The following CCDC141 variants were observed in gnomAD, a reference collection of about 807,000 sequenced individuals.
CCDC141 encodes coiled-coil domain-containing protein 141.
Under a neutral mutation model 181.0 loss-of-function variants are expected in CCDC141, and 168 were observed. The observed-to-expected ratio is 0.93, with a 90% CI of 0.82 to 1.05. The LOEUF (loss-of-function observed/expected upper bound fraction) is 1.05. Among genes scored for constraint, CCDC141 ranks in the 50% least tolerant of loss-of-function variants. CCDC141 has a pLI of 0.00. For synonymous variants in CCDC141, 666 were observed against 642.3 expected (o/e 1.04, Z -0.56); for missense variants, 1,902 against 1,788.5 (o/e 1.06, Z -1.14).
At chr2:178,960,349 G>A (rs922479569) in intron 5 of CCDC141, among the ~76,000 whole-genome samples, 6 of 152,038 alleles carry the variant, frequency 3.9e-5, no homozygotes, top group African/African-American at 1.2e-4. Flanking sequence ...ATAAGAACCA[G>A]TTTCTCTTGG....
At position 178,978,475 on chromosome 2, in the gene CCDC141, A is replaced by G; in HGVS notation, c.417+9T>C. ...TGTGGGGAAGGGAGAAGTTTTTTAA[A>G]GTACAAACCTCTAAGGCATTTTCAA... On this transcript the variant is annotated intron_variant, in intron 3 of 23. Coordinates refer to ENST00000443758, the MANE Select transcript of CCDC141 (RefSeq NM_173648.4). 3.5e-6 allele frequency: 5 copies of G among 1,423,140 alleles called. No homozygotes were observed. Among genetic ancestry groups the G allele is most frequent in the South Asian group, 1.5e-5 (1 of 65,646 alleles). The allele number at this position is 1,423,140 out of a possible 1,614,324, so 88.2% of individuals were successfully genotyped here.
At chr2:178,982,780 C>G (rs980185421) in intron 2 of CCDC141, among the ~76,000 whole-genome samples, 2 of 152,190 alleles carry the variant, frequency 1.3e-5, no homozygotes, top group Admixed American at 6.5e-5. Flanking sequence ...AGGCGCACCA[C>G]GAGATTATAT....
intron 22 of CCDC141, among the ~76,000 whole-genome samples, chr2:178,845,288 G>A (rs1684887322): frequency 1.3e-5 from 2 of 152,122 alleles, no homozygotes; most frequent in African/African-American, 2.4e-5. Context: ...AAGTTGGATT[G>A]GATATAAAAA....
At chr2:178,905,911 T>C (rs1412232763) in intron 7 of CCDC141, among the ~76,000 whole-genome samples, 2 of 152,260 alleles carry the variant, frequency 1.3e-5, no homozygotes, top group African/African-American at 4.8e-5. Context: ...TTCTGTAATA[T>C]TCTTTAGAGG....
intron 2 of CCDC141, among the ~76,000 whole-genome samples, chr2:179,015,527 CTCAT>C: frequency 2.3e-5 from 3 of 130,542 alleles, no homozygotes; most frequent in African/African-American, 8.1e-5. Flanking sequence ...TCACATATAT[CTCAT>C]ATATATGATA....
At chr2:178,845,548 CT>C in intron 22 of CCDC141, 77 bp downstream of exon 22, 1 of 799,644 alleles carries the variant, frequency 1.3e-6, no homozygotes. Flanking sequence ...CTGCAATTCA[CT>C]TTTATTTTGC....
At chr2:179,003,865 GCTT>G (rs1381089948) in intron 2 of CCDC141, among the ~76,000 whole-genome samples, 3 of 151,152 alleles carry the variant, frequency 2.0e-5, no homozygotes, top group African/African-American at 7.3e-5. Flanking sequence ...TAAAATAATT[GCTT>G]TTTTTTCAGA....
chr2:178,960,044 C>A (rs1040882266), intron 5 of CCDC141, among the ~76,000 whole-genome samples: 1 of 152,196 alleles, frequency 6.6e-6, no homozygotes, highest in Non-Finnish European at 1.5e-5. Context: ...TTTCTCACAA[C>A]TGGGGATGTT....
At chr2:178,889,856 C>T (rs1005042608) in intron 8 of CCDC141, among the ~76,000 whole-genome samples, 2 of 152,132 alleles carry the variant, frequency 1.3e-5, no homozygotes, top group Non-Finnish European at 2.9e-5. Flanking sequence ...TACGTAGAGA[C>T]AGTGAAGAAT....
At position 178,833,578 on chromosome 2, in the gene CCDC141, C is replaced by T. The variant is rs750811018; in HGVS notation, c.*595G>A. 6.5e-6 allele frequency: 1 copy of T among 152,838 alleles called. No homozygotes were observed. Among genetic ancestry groups the T allele is most frequent in the Non-Finnish European group, 1.5e-5 (1 of 68,482 alleles). 9.5% of individuals were successfully genotyped at this position (152,838 alleles called of 1,614,324 possible). ...ATTTAAAGTTGATGGCACATCTATCCTCCAATGTCAAACCCGTGAGAGCAA... is the reference window on the plus strand; with the variant it reads ...ATTTAAAGTTGATGGCACATCTATCTTCCAATGTCAAACCCGTGAGAGCAA... On this transcript the variant is annotated 3_prime_UTR_variant, in exon 24 of 24. Transcript: ENST00000443758.
intron 6 of CCDC141, among the ~76,000 whole-genome samples, chr2:178,922,339 GAGAA>G (rs763340597): frequency 3.9e-5 from 6 of 152,198 alleles, no homozygotes; most frequent in Non-Finnish European, 7.3e-5. Context: ...ACATTAGTAA[GAGAA>G]AGAGCCAAAT....
chr2:178,859,353 G>A (rs2154367924), intron 17 of CCDC141, among the ~76,000 whole-genome samples: 1 of 152,236 alleles, frequency 6.6e-6, no homozygotes, highest in South Asian at 2.1e-4. Flanking sequence ...CACATAACTT[G>A]TGGTCATATT....
At chr2:178,937,457 G>A (rs1689336488) in intron 6 of CCDC141, among the ~76,000 whole-genome samples, 2 of 152,130 alleles carry the variant, frequency 1.3e-5, no homozygotes, top group Non-Finnish European at 2.9e-5. Flanking sequence ...GATCGTGGTG[G>A]AATAGCTTTT....
At chr2:179,044,585 T>C (rs979048123) in intron 2 of CCDC141, among the ~76,000 whole-genome samples, 3 of 152,184 alleles carry the variant, frequency 2.0e-5, no homozygotes, top group African/African-American at 7.2e-5. Context: ...CAAACTGATG[T>C]GAGCTCACCC....
At chr2:178,984,969 A>G (rs1350164465) in intron 2 of CCDC141, among the ~76,000 whole-genome samples, 1 of 150,632 alleles carries the variant, frequency 6.6e-6, no homozygotes, top group East Asian at 2.0e-4. Flanking sequence ...AGCGGACCTA[A>G]TAGACATCTA....
At chr2:178,981,387 T>C (rs574402515) in intron 2 of CCDC141, among the ~76,000 whole-genome samples, 3 of 119,760 alleles carry the variant, frequency 2.5e-5, no homozygotes, top group Admixed American at 1.0e-4. Flanking sequence ...ACAGAAATCA[T>C]ACGAATATAC....
chr2:178,867,610 C>T (rs1685909482), intron 16 of CCDC141, among the ~76,000 whole-genome samples: 1 of 152,036 alleles, frequency 6.6e-6, no homozygotes, highest in Non-Finnish European at 1.5e-5. Flanking sequence ...ACCCAAATTG[C>T]TCCCAACATA....
At chr2:179,004,939 C>A (rs1175659233) in intron 2 of CCDC141, among the ~76,000 whole-genome samples, 2 of 152,074 alleles carry the variant, frequency 1.3e-5, no homozygotes. Flanking sequence ...GCCATGTTGG[C>A]CAGGCTGGTT....
At chr2:178,981,143 C>T (rs1220346286) in intron 2 of CCDC141, among the ~76,000 whole-genome samples, 1 of 152,124 alleles carries the variant, frequency 6.6e-6, no homozygotes, top group African/African-American at 2.4e-5. Flanking sequence ...GATAAATATA[C>T]TATAATAGAG....
Sources: allele counts gnomAD v4.1 joint callset (sites outside exome capture counted in the v4.1 genomes callset), GRCh38; gene constraint gnomAD v4.1.1; transcripts MANE v1.5; gene names NCBI Gene and HGNC (gene_info 2026-07-23, HGNC 2026-07-21).